Variants in TMEM212 observed in about 807,000 individuals in gnomAD.
TMEM212 encodes transmembrane protein 212.
A neutral mutation model predicts 20.5 loss-of-function variants in TMEM212; 23 were observed. That is an observed-to-expected ratio of 1.12 (90% CI 0.81 to 1.59). The LOEUF (loss-of-function observed/expected upper bound fraction) is 1.59, where lower values mean the gene tolerates loss of function less well. Ranked by LOEUF, TMEM212 falls within the 40% of genes most tolerant of loss-of-function variation. The pLI is 0.00. For synonymous variants in TMEM212, 76 were observed against 81.6 expected (o/e 0.93, Z 0.37); for missense variants, 211 against 215.0 (o/e 0.98, Z 0.12).
intron 1 of TMEM212, among the ~76,000 whole-genome samples, chr3:171,845,028 T>G (rs551825263): frequency 6.6e-6 from 1 of 152,320 alleles, no homozygotes; most frequent in African/African-American, 2.4e-5. Flanking sequence ...AGTTTTTTTT[T>G]CTTTTTCAAT....
At chr3:171,855,488 A>G (rs1453775687) in intron 3 of TMEM212, among the ~76,000 whole-genome samples, 1 of 152,104 alleles carries the variant, frequency 6.6e-6, no homozygotes, top group Non-Finnish European at 1.5e-5. Flanking sequence ...ATTTCCATTT[A>G]TTAATTAAAA....
At chr3:171,854,088 A>T (rs1725057551) in intron 3 of TMEM212, among the ~76,000 whole-genome samples, 1 of 152,168 alleles carries the variant, frequency 6.6e-6, no homozygotes, top group African/African-American at 2.4e-5. Context: ...TTTTTATGTC[A>T]ATCCACAATT....
chr3:171,845,225 G>C (rs1270161024), intron 1 of TMEM212, among the ~76,000 whole-genome samples: 1 of 152,024 alleles, frequency 6.6e-6, no homozygotes, highest in Admixed American at 6.6e-5. Flanking sequence ...AATATTTTAG[G>C]TGAGGACCCA....
chr3:171,843,800 G>T (rs1724767982), intron 1 of TMEM212, among the ~76,000 whole-genome samples: 1 of 152,028 alleles, frequency 6.6e-6, no homozygotes, highest in African/African-American at 2.4e-5. Flanking sequence ...TTCTTAAAAA[G>T]TTATTTTATT....
chr3:171,846,457 A>G (rs73178235), intron 1 of TMEM212, among the ~76,000 whole-genome samples: 3,952 of 152,280 alleles, frequency 0.026, 100 homozygotes, highest in Non-Finnish European at 0.034. Context: ...TATATTGTAG[A>G]AGGGCAGGGA....
intron 4 of TMEM212, 30 bp downstream of exon 4, chr3:171,856,737 G>T (rs1725127150): frequency 3.1e-6 from 2 of 643,850 alleles, no homozygotes; most frequent in Non-Finnish European, 5.6e-6. Flanking sequence ...GAAAAGGCCT[G>T]GGACCAGAAT....
chr3:171,846,447 T>A (rs1292577911), intron 1 of TMEM212, among the ~76,000 whole-genome samples: 1 of 152,198 alleles, frequency 6.6e-6, no homozygotes. Context: ...CTAACAAATG[T>A]ATATTGTAGA....
intron 3 of TMEM212, 22 bp downstream of exon 3, chr3:171,853,872 G>A: frequency 6.6e-7 from 1 of 1,517,614 alleles, no homozygotes; most frequent in Non-Finnish European, 8.8e-7. Context: ...CAAAGGGGAG[G>A]CAGGTTCTTG....
At position 171,853,667 on chromosome 3, in the gene TMEM212, T is replaced by C. The variant is rs902277466; in HGVS notation, c.360T>C (p.Tyr120=). ...SGIAGTNYLG[Y]AVTFPYPYAK... is the part of the protein sequence containing the mutation. The stretch of plus-strand genomic sequence containing the variant: ...TTGCAGGGACTAATTACCTTGGCTA[T>C]GCAGTTACCTTTCCTTATCCATATG... Residue 120 remains tyrosine (Y), a synonymous_variant, in exon 3 of 5, where the codon TAT becomes TAC. Transcript: ENST00000334567. The C allele has an allele frequency of 2.0e-6, 3 of 1,537,532 alleles. No individual in the cohort carries two copies. The highest frequency in any genetic ancestry group is 2.4e-5 in the East Asian group (1 of 40,920).
chr3:171,846,152 G>A (rs1724826780), intron 1 of TMEM212, among the ~76,000 whole-genome samples: 1 of 152,194 alleles, frequency 6.6e-6, no homozygotes. Flanking sequence ...AACATGCCAT[G>A]ATGTGTTTCT....
At chr3:171,848,177 C>T (rs186634984) in intron 1 of TMEM212, among the ~76,000 whole-genome samples, 3 of 152,200 alleles carry the variant, frequency 2.0e-5, no homozygotes, top group South Asian at 2.1e-4. Flanking sequence ...CAAACTGTAA[C>T]GTGCATACAA....
chr3:171,851,125 G>A (rs1724968323), intron 1 of TMEM212, among the ~76,000 whole-genome samples: 1 of 151,964 alleles, frequency 6.6e-6, no homozygotes, highest in Non-Finnish European at 1.5e-5. Context: ...CTTATTTTAG[G>A]CACATCTCTT....
rs551017388 is a variant in TMEM212, at chr3:171,848,783, A to C, written c.160-3199A>C. Among the ~76,000 whole-genome samples, 255 of 152,048 alleles carry C rather than the reference A, an allele frequency of 1.7e-3. 1 individual carries two copies. Among genetic ancestry groups the C allele is most frequent in the Non-Finnish European group, 3.3e-3 (225 of 68,008 alleles). Reference sequence around the variant, plus strand: ...CATATTATTTTGGTCAGATATAAAAATATTTATAACTATGACATAAAATGT... The same window carrying C: ...CATATTATTTTGGTCAGATATAAAACTATTTATAACTATGACATAAAATGT... On this transcript the variant is annotated intron_variant, in intron 1 of 4. Transcript: ENST00000334567.
chr3:171,848,246 T>C (rs946756278), intron 1 of TMEM212, among the ~76,000 whole-genome samples: 6 of 152,154 alleles, frequency 3.9e-5, no homozygotes, highest in Non-Finnish European at 8.8e-5. Flanking sequence ...GGGTGGGGCC[T>C]GAGAGTCTGC....
At chr3:171,853,906 A>G in intron 3 of TMEM212, 56 bp downstream of exon 3, 1 of 1,340,014 alleles carries the variant, frequency 7.5e-7, no homozygotes, top group Admixed American at 2.2e-5. Flanking sequence ...GCTAAAATGG[A>G]AAGTCTGGTA....
chr3:171,853,397 A>T, intron 2 of TMEM212, 130 bp from the exon 3 acceptor site: 201 of 606,376 alleles, frequency 3.3e-4, no homozygotes, highest in Middle Eastern at 1.0e-3. Flanking sequence ...GAGAGTCGTG[A>T]TTGATTTCTC....
At chr3:171,847,143 C>G (rs561729035) in intron 1 of TMEM212, among the ~76,000 whole-genome samples, 1 of 152,352 alleles carries the variant, frequency 6.6e-6, no homozygotes, top group African/African-American at 2.4e-5. Context: ...TTAAAAGCAT[C>G]AGCTGCTAGC....
chr3:171,843,458 T>C lies in TMEM212; in HGVS notation c.75T>C (p.Ile25=). Residue 25 remains isoleucine, a synonymous_variant, in exon 1 of 5, where the codon ATT becomes ATC. Transcript: ENST00000334567. ...TCCTCAGTGTATGCTCTGGAGTTAT[T>C]GCTTTCTTTCCTGTCTTTTCTTACA... ...LGILSVCSGV[I]AFFPVFSYKP... The C allele has an allele frequency of 6.5e-7, 1 of 1,537,206 alleles. No individual in the cohort carries two copies. Among genetic ancestry groups the C allele is most frequent in the African/African-American group, 1.4e-5 (1 of 73,184 alleles).
Position 171,843,483 on chromosome 3 carries a change from A to G in TMEM212, c.100A>G (p.Lys34Glu), listed in dbSNP as rs201447981. The G allele has an allele frequency of 3.7e-5, 57 of 1,536,938 alleles. No homozygotes were observed. The highest frequency in any genetic ancestry group is 1.7e-4 in the Middle Eastern group (1 of 6,012). The change falls in exon 1 of 5, where the codon AAG becomes GAG. Residue 34 changes from lysine to glutamate, a missense_variant. Lys to Glu is a moderately conservative substitution (Grantham distance 56). Transcript: ENST00000334567. ...TGCTTTCTTTCCTGTCTTTTCTTACAAGCCTTGGTTCACAGGATGGAGTGT... is the reference window on the plus strand; with the variant it reads ...TGCTTTCTTTCCTGTCTTTTCTTACGAGCCTTGGTTCACAGGATGGAGTGT... ...VIAFFPVFSY[K>E]PWFTGWSVRI...
Sources: allele counts gnomAD v4.1 joint callset (sites outside exome capture counted in the v4.1 genomes callset), GRCh38; gene constraint gnomAD v4.1.1; transcripts MANE v1.5; gene names NCBI Gene and HGNC (gene_info 2026-07-23, HGNC 2026-07-21).